Variants in SMAD2 observed in about 807,000 individuals in gnomAD.
The protein encoded by SMAD2 is MAD homolog 2.
SMAD2 carries 8 observed loss-of-function variants against 64.4 expected under a neutral mutation model. The observed-to-expected ratio is 0.12, with a 90% CI of 0.07 to 0.22. The LOEUF (loss-of-function observed/expected upper bound fraction) is 0.22. Among genes scored for constraint, SMAD2 ranks in the 10% least tolerant of loss-of-function variants. The probability of loss-of-function intolerance (pLI) is 1.00; values close to 1 mark genes in which losing one functional copy is unlikely to be tolerated. For missense variants in SMAD2, 289 were observed against 561.2 expected (o/e 0.51, Z 4.90); for synonymous variants, 203 against 195.8 (o/e 1.04, Z -0.31).
Position 47,840,038 on chromosome 18 carries a change from G to C in SMAD2, c.*1789C>G, listed in dbSNP as rs75567201. Reference sequence around the variant, plus strand: ...GTTGTCTTGTTCACCTTTACCCAAAGACTAAGAAAAGTTCCTGGTACAAAC... The same window carrying C: ...GTTGTCTTGTTCACCTTTACCCAAACACTAAGAAAAGTTCCTGGTACAAAC... On this transcript the variant is annotated 3_prime_UTR_variant, in exon 11 of 11. Coordinates refer to ENST00000262160, the MANE Select transcript of SMAD2 (RefSeq NM_005901.6). 7 of 233,116 alleles carry C rather than the reference G, an allele frequency of 3.0e-5. No homozygotes were observed. Among genetic ancestry groups the C allele is most frequent in the Non-Finnish European group, 5.9e-5 (7 of 117,986 alleles). 14.4% of individuals were successfully genotyped at this position (233,116 alleles called of 1,614,324 possible).
chr18:47,860,440 T>TA (rs2031086484), intron 6 of SMAD2, among the ~76,000 whole-genome samples: 1 of 150,662 alleles, frequency 6.6e-6, no homozygotes, highest in Admixed American at 6.6e-5. Flanking sequence ...CCTGGCTAAT[T>TA]TAAAAAAAAA....
intron 1 of SMAD2, among the ~76,000 whole-genome samples, chr18:47,918,693 T>C (rs2144534889): frequency 6.6e-6 from 1 of 152,152 alleles, no homozygotes; most frequent in South Asian, 2.1e-4. Flanking sequence ...AAGAGCAGCA[T>C]GCTCTCAAAG....
chr18:47,844,270 A>G (rs1914262044), intron 10 of SMAD2, among the ~76,000 whole-genome samples: 2 of 152,170 alleles, frequency 1.3e-5, no homozygotes, highest in East Asian at 3.8e-4. Context: ...TTTCTGACAA[A>G]ACTTAAGATA....
In SMAD2 at chr18:47,837,018, A is replaced by G; in HGVS notation, c.*4809T>C. ...CAATCCAATATGCCCCAAGATGGAA[A>G]TCTGGTATCGTAGGGAAAACATTGG... On this transcript the variant is annotated 3_prime_UTR_variant, in exon 11 of 11. Transcript: ENST00000262160. 1 of 212,246 alleles carries G rather than the reference A, an allele frequency of 4.7e-6. No homozygotes were observed. The highest frequency in any genetic ancestry group is 7.0e-5 in the East Asian group (1 of 14,242). 13.1% of individuals were successfully genotyped at this position (212,246 alleles called of 1,614,324 possible).
chr18:47,925,748 C>T (rs2034736554), intron 1 of SMAD2, among the ~76,000 whole-genome samples: 1 of 152,122 alleles, frequency 6.6e-6, no homozygotes. Flanking sequence ...TTAAAAACAG[C>T]CAAGGCTACA....
At position 47,812,125 on chromosome 18, in the gene SMAD2, C is replaced by T. The variant is rs1912224743; in HGVS notation, c.*29702G>A. 6.6e-6 allele frequency: 1 copy of T among 152,090 alleles called. No homozygotes were observed. The highest frequency in any genetic ancestry group is 1.5e-5 in the Non-Finnish European group (1 of 68,028). The allele number at this position is 152,090 out of a possible 1,614,324, so 9.4% of individuals were successfully genotyped here. A position where few individuals can be genotyped will look rare whatever the true frequency, so the allele number is the denominator to read the frequency against. ...CAAATCTCATCTTGAATTGGAGCTC[C>T]CATAATTCCCCATATTATGTGAGGG... On this transcript the variant is annotated 3_prime_UTR_variant, in exon 11 of 11. Coordinates refer to ENST00000262160, the MANE Select transcript of SMAD2 (RefSeq NM_005901.6).
At chr18:47,885,617 C>T (rs2032861521) in intron 2 of SMAD2, among the ~76,000 whole-genome samples, 1 of 152,072 alleles carries the variant, frequency 6.6e-6, no homozygotes. Context: ...GGCTCCACAT[C>T]CATGGACAGA....
intron 1 of SMAD2, among the ~76,000 whole-genome samples, chr18:47,907,951 G>A (rs988069646): frequency 2.0e-5 from 3 of 152,284 alleles, no homozygotes; most frequent in Admixed American, 2.0e-4. Flanking sequence ...AACACTCACA[G>A]AACTGAACAT....
intron 1 of SMAD2, among the ~76,000 whole-genome samples, chr18:47,899,337 G>A (rs2033582051): frequency 6.6e-6 from 1 of 152,088 alleles, no homozygotes; most frequent in African/African-American, 2.4e-5. Flanking sequence ...AGATCAAACT[G>A]TCATGTGGTA....
rs1460259442 is a variant in SMAD2 at position 47,845,682 on chromosome 18, T to C, written c.1116A>G (p.Thr372=). The C allele has an allele frequency of 6.2e-7, 1 of 1,613,878 alleles. No individual in the cohort carries two copies. The highest frequency in any genetic ancestry group is 8.5e-7 in the Non-Finnish European group (1 of 1,179,896). ...CCATACCTGGTGGAATTTTACACAC[T>C]GTTGCAGGGTGCCAGCCATATCTCT... ...CNQRYGWHPA[T]VCKIPPGCNL... The change falls in exon 9 of 11, where the codon ACA becomes ACG. Residue 372 remains threonine, a synonymous_variant. Coordinates refer to ENST00000262160, the MANE Select transcript of SMAD2 (RefSeq NM_005901.6).
At position 47,840,415 on chromosome 18, in the gene SMAD2, C is replaced by T. The variant is rs779350487; in HGVS notation, c.*1412G>A. 81 of 232,852 alleles carry T rather than the reference C, an allele frequency of 3.5e-4. No homozygotes were observed. Among genetic ancestry groups the T allele is most frequent in the Non-Finnish European group, 5.3e-4 (62 of 117,802 alleles). 14.4% of individuals were successfully genotyped at this position (232,852 alleles called of 1,614,324 possible). ...CTAGCAACAGAGTTTCGGAAATCTC[C>T]TCTCACTACAGAGCATGAAATATTG... On this transcript the variant is annotated 3_prime_UTR_variant, in exon 11 of 11. Coordinates refer to ENST00000262160, the MANE Select transcript of SMAD2 (RefSeq NM_005901.6).
Position 47,824,358 on chromosome 18 carries a change from G to A in SMAD2, c.*17469C>T, listed in dbSNP as rs1912676714. ...CAACCTTACACAGAAAATACTTTTG[G>A]GACATCTGCCTAGAAGCCGATTGTC... is the stretch of plus-strand genomic sequence containing the variant. On this transcript the variant is annotated 3_prime_UTR_variant, in exon 11 of 11. Coordinates refer to ENST00000262160, the MANE Select transcript of SMAD2 (RefSeq NM_005901.6). The A allele has an allele frequency of 6.6e-6, 1 of 152,126 alleles. No homozygotes were observed. The allele number at this position is 152,126 out of a possible 1,614,324, so 9.4% of individuals were successfully genotyped here.
intron 1 of SMAD2, among the ~76,000 whole-genome samples, chr18:47,916,928 A>G (rs914920164): frequency 6.6e-6 from 1 of 152,148 alleles, no homozygotes; most frequent in Non-Finnish European, 1.5e-5. Flanking sequence ...CTCCTCTATC[A>G]GTCTTGGCAC....
chr18:47,868,487 G>T (rs370729420), intron 4 of SMAD2, 30 bp from the exon 5 acceptor site: 5 of 1,602,358 alleles, frequency 3.1e-6, no homozygotes, highest in African/African-American at 2.7e-5. Flanking sequence ...CCAAGTTAAT[G>T]GCAAAGAGCA....
intron 1 of SMAD2, among the ~76,000 whole-genome samples, chr18:47,903,189 T>G (rs1286604827): frequency 6.6e-6 from 1 of 151,994 alleles, no homozygotes; most frequent in African/African-American, 2.4e-5. Flanking sequence ...AGGGCTGCGG[T>G]AGGACAGGAA....
Position 47,841,437 on chromosome 18 carries a change from C to T in SMAD2, c.*390G>A, listed in dbSNP as rs896016827. ...AAGGTTTGCCTAGATCAAGAAGCAG[C>T]GCACACACACACCTCATCTATGCAA... On this transcript the variant is annotated 3_prime_UTR_variant, in exon 11 of 11. Coordinates refer to ENST00000262160, the MANE Select transcript of SMAD2 (RefSeq NM_005901.6). 41 of 314,528 alleles carry T rather than the reference C, an allele frequency of 1.3e-4. No individual in the cohort carries two copies. Among genetic ancestry groups the T allele is most frequent in the Non-Finnish European group, 2.1e-4 (35 of 165,840 alleles). The allele number at this position is 314,528 out of a possible 1,614,324, so 19.5% of individuals were successfully genotyped here.
intron 1 of SMAD2, among the ~76,000 whole-genome samples, chr18:47,918,909 G>A (rs1303527095): frequency 2.0e-5 from 3 of 152,130 alleles, no homozygotes; most frequent in African/African-American, 7.2e-5. Context: ...CAGAGATGCA[G>A]AGTAGGGGAG....
intron 1 of SMAD2, among the ~76,000 whole-genome samples, chr18:47,916,334 G>A (rs140531873): frequency 8.5e-5 from 13 of 152,076 alleles, no homozygotes; most frequent in South Asian, 2.1e-4. Flanking sequence ...TTGCCCATAC[G>A]GGGTCTTCAT....
chr18:47,900,592 T>C (rs2033644650), intron 1 of SMAD2, among the ~76,000 whole-genome samples: 3 of 152,208 alleles, frequency 2.0e-5, no homozygotes, highest in Non-Finnish European at 4.4e-5. Context: ...ATTTTCTCTA[T>C]GTAAGATTAC....
Sources: gnomAD v4.1 joint callset for allele counts (sites outside exome capture counted in the v4.1 genomes callset) on GRCh38, gnomAD v4.1.1 for gene constraint, MANE v1.5 for transcripts, NCBI Gene and HGNC (gene_info 2026-07-23, HGNC 2026-07-21) for gene names.